ZNF329: variants seen among roughly 807,000 people sequenced by gnomAD.
The protein encoded by ZNF329 is zinc finger protein 329.
A neutral mutation model predicts 26.6 loss-of-function variants in ZNF329; 15 were observed. That is an observed-to-expected ratio of 0.56 (90% confidence interval 0.38 to 0.87). The LOEUF (loss-of-function observed/expected upper bound fraction) is 0.87, where lower values mean the gene tolerates loss of function less well. ZNF329 is among the 40% of genes least tolerant of loss of function. The pLI is 0.00. For missense variants in ZNF329, 651 were observed against 651.9 expected (o/e 1.00, Z 0.02); for synonymous variants, 239 against 233.5 (o/e 1.02, Z -0.21).
In ZNF329 at chr19:58,127,912, C is replaced by A; in HGVS notation, c.1592G>T (p.Arg531Ile). Reference protein sequence around the residue: ...QKSSSLVRHQRAHLGEQPMET With the variant: ...QKSSSLVRHQIAHLGEQPMET ...CATGGGTTGCTCTCCCAGGTGTGCT[C>A]TTTGATGTCGAACAAGGGATGAGCT... The change falls in exon 4 of 4, where the codon AGA (arginine) becomes ATA (isoleucine). Residue 531 changes from arginine (R) to isoleucine (I), a missense_variant. Coordinates refer to ENST00000598312, the MANE Select transcript of ZNF329 (RefSeq NM_024620.4). The A allele has an allele frequency of 6.2e-7, 1 of 1,607,810 alleles. No homozygotes were observed. The highest frequency in any genetic ancestry group is 1.7e-5 in the Admixed American group (1 of 59,272).
At chr19:58,130,391 C>T (rs754185007) in intron 3 of ZNF329, among the ~76,000 whole-genome samples, 10 of 151,726 alleles carry the variant, frequency 6.6e-5, no homozygotes, top group South Asian at 2.1e-4. Context: ...TGGATCATGT[C>T]GGCCAGGCGC....
intron 3 of ZNF329, among the ~76,000 whole-genome samples, chr19:58,139,497 C>T (rs1209864448): frequency 6.6e-6 from 1 of 152,158 alleles, no homozygotes; most frequent in Non-Finnish European, 1.5e-5. Flanking sequence ...TCCTGGTTTG[C>T]AGATGGCCAC....
chr19:58,149,108 G>C (rs1417411269), intron 1 of ZNF329, among the ~76,000 whole-genome samples: 1 of 152,154 alleles, frequency 6.6e-6, no homozygotes, highest in Non-Finnish European at 1.5e-5. Context: ...AACCAAGATG[G>C]CAACGAGAGT....
At chr19:58,144,770 T>C (rs2075269224) in intron 1 of ZNF329, among the ~76,000 whole-genome samples, 2 of 150,536 alleles carry the variant, frequency 1.3e-5, no homozygotes, top group South Asian at 4.2e-4. Flanking sequence ...AGTATGATCA[T>C]GGCTCACTGT....
At position 58,127,518 on chromosome 19, in the gene ZNF329, A is replaced by T. The variant is rs1470212588; in HGVS notation, c.*360T>A. The T allele has an allele frequency of 4.2e-5, 8 of 192,258 alleles. No homozygotes were observed. The highest frequency in any genetic ancestry group is 7.4e-5 in the Non-Finnish European group (7 of 94,918). The allele number at this position is 192,258 out of a possible 1,614,324, so 11.9% of individuals were successfully genotyped here. On this transcript the variant is annotated 3_prime_UTR_variant, in exon 4 of 4. Transcript: ENST00000598312. ...AAAAAAGTTGATTCAGTGTTTGCTTACGTACAAGGTGGAAACTCCCTACTA... is the reference window on the plus strand; with the variant it reads ...AAAAAAGTTGATTCAGTGTTTGCTTTCGTACAAGGTGGAAACTCCCTACTA...
rs373770324 is a variant in ZNF329 at position 58,140,694 on chromosome 19, C to T, written c.-9+1863G>A. 6.6e-5 allele frequency among the ~76,000 whole-genome samples: 10 copies of T among 151,624 alleles called. No individual in the cohort carries two copies. In the East Asian group the frequency reaches 9.8e-4, roughly 15 times the overall value. On this transcript the variant is annotated intron_variant, in intron 3 of 3. Coordinates refer to ENST00000598312, the MANE Select transcript of ZNF329 (RefSeq NM_024620.4). ...CCTCCCAAAGCGCTGGGATTACAGG[C>T]GTGACCACCGCGCCCAGCCCTTTTT...
upstream of ZNF329, among the ~76,000 whole-genome samples, chr19:58,153,213 G>C (rs937475722): frequency 6.6e-6 from 1 of 152,044 alleles, no homozygotes; most frequent in Non-Finnish European, 1.5e-5. Context: ...AGGTTCAAGT[G>C]AATCTCCTGC....
rs1489938907 is a variant in ZNF329 at position 58,147,534 on chromosome 19, C to T, written c.-208+3218G>A. On this transcript the variant is annotated intron_variant, in intron 1 of 3. Coordinates refer to ENST00000598312, the MANE Select transcript of ZNF329 (RefSeq NM_024620.4). ...CCTCTGCCCGGCCAGCCGCCCCGCC[C>T]GGGAGGGAGGTGGGGGGGTCAGCCC... Among the ~76,000 whole-genome samples the T allele has an allele frequency of 1.5e-4, 22 of 142,682 alleles. 2 individuals carry two copies. Among genetic ancestry groups the T allele is most frequent in the African/African-American group, 4.1e-4 (15 of 36,594 alleles). 93.6% of individuals were successfully genotyped at this position (142,682 alleles called of 152,430 possible).
chr19:58,153,389 C>A (rs1437335014), upstream of ZNF329, among the ~76,000 whole-genome samples: 1 of 152,124 alleles, frequency 6.6e-6, no homozygotes, highest in African/African-American at 2.4e-5. Context: ...GGATGACAGG[C>A]GTGAGCCACT....
Position 58,128,948 on chromosome 19 carries a change from G to A in ZNF329, c.556C>T (p.Leu186=). The A allele has an allele frequency of 6.2e-7, 1 of 1,613,784 alleles. No homozygotes were observed. Among genetic ancestry groups the A allele is most frequent in the African/African-American group, 1.3e-5 (1 of 74,974 alleles). The stretch of plus-strand genomic sequence containing the variant: ...TGGTTTTCATTAAGCGATGAGCTCA[G>A]AGTAAAGATGTTCTCAAAATTCTTA... ...EGKNFENIFT[L]SSSLNENQRN... Residue 186 remains leucine (L), a synonymous_variant, in exon 4 of 4, where the codon CTG becomes TTG. Coordinates refer to ENST00000598312, the MANE Select transcript of ZNF329 (RefSeq NM_024620.4).
chr19:58,129,335 G>A lies in ZNF329; in HGVS notation c.169C>T (p.Pro57Ser). The A allele has an allele frequency of 6.2e-7, 1 of 1,614,200 alleles. No individual in the cohort carries two copies. Among genetic ancestry groups the A allele is most frequent in the Non-Finnish European group, 8.5e-7 (1 of 1,180,040 alleles). The change falls in exon 4 of 4, where the codon CCA (proline) becomes TCA (serine). Residue 57 changes from proline (P) to serine (S), a missense_variant. By Grantham distance (74) the Pro-to-Ser change is moderately conservative. Coordinates refer to ENST00000598312, the MANE Select transcript of ZNF329 (RefSeq NM_024620.4). ...LRQSALTLEK[P>S]GTQEAICEYP... ...TCACAAATTGCTTCCTGAGTCCCTG[G>A]TTTCTCCAGAGTTAAAGCTGATTGC...
chr19:58,128,671 T>C lies in ZNF329; in HGVS notation c.833A>G (p.Gln278Arg), dbSNP rs199730056. Reference protein sequence around the residue: ...FSDGSALTQHQRIHTGEKPYE... With the variant: ...FSDGSALTQHRRIHTGEKPYE... ...AGGTTTCTCGCCTGTGTGAATTCTCTGGTGCTGTGTCAGAGCTGAGCCATC... is the reference window on the plus strand; with the variant it reads ...AGGTTTCTCGCCTGTGTGAATTCTCCGGTGCTGTGTCAGAGCTGAGCCATC... The change falls in exon 4 of 4, where the codon CAG (glutamine) becomes CGG (arginine). Residue 278 changes from glutamine (Q) to arginine (R), a missense_variant. Physicochemically the swap from Gln to Arg is conservative, Grantham distance 43. Coordinates refer to ENST00000598312, the MANE Select transcript of ZNF329 (RefSeq NM_024620.4). 10 of 1,604,296 alleles carry C rather than the reference T, an allele frequency of 6.2e-6. No individual in the cohort carries two copies. In the East Asian group the frequency reaches 2.2e-4, roughly 36 times the overall value.
chr19:58,147,976 T>C (rs1373577280), intron 1 of ZNF329, among the ~76,000 whole-genome samples: 1 of 152,086 alleles, frequency 6.6e-6, no homozygotes, highest in Non-Finnish European at 1.5e-5. Context: ...GGGAAAAGAT[T>C]GAGAAATCGG....
chr19:58,144,384 A>ATCTATCTATCTATC lies in ZNF329; in HGVS notation c.-207-1187_-207-1186insGATAGATAGATAGA, dbSNP rs1335729765. Among the ~76,000 whole-genome samples, 334 of 75,056 alleles carry ATCTATCTATCTATC rather than the reference A, an allele frequency of 4.5e-3. 1 individual carries two copies. Among genetic ancestry groups the ATCTATCTATCTATC allele is most frequent in the Non-Finnish European group, 5.4e-3 (191 of 35,254 alleles). The allele number at this position is 75,056 out of a possible 152,430, so 49.2% of individuals were successfully genotyped here. ...TCTATCTATCTATCTATCTATCTAT[A>ATCTATCTATCTATC]TATATATATATATTTTTTTTTTGAG... On this transcript the variant is annotated intron_variant, in intron 1 of 3. Transcript: ENST00000598312.
At chr19:58,133,656 C>CA (rs2075000018) in intron 3 of ZNF329, among the ~76,000 whole-genome samples, 1 of 151,236 alleles carries the variant, frequency 6.6e-6, no homozygotes, top group African/African-American at 2.4e-5. Flanking sequence ...TGTTGTTCTT[C>CA]AAAAAAACCC....
At chr19:58,154,095 G>GC (rs1195136732), upstream of ZNF329, among the ~76,000 whole-genome samples, 3 of 151,412 alleles carry the variant, frequency 2.0e-5, no homozygotes, top group Admixed American at 1.3e-4. Flanking sequence ...TCCAAACTCT[G>GC]CATCCCCGGT....
intron 3 of ZNF329, among the ~76,000 whole-genome samples, chr19:58,133,404 G>A (rs1208660170): frequency 2.6e-5 from 4 of 151,842 alleles, no homozygotes; most frequent in South Asian, 2.1e-4. Context: ...TGGGCAACAT[G>A]GTGAAACCCC....
chr19:58,149,686 C>G (rs1183731757), intron 1 of ZNF329, among the ~76,000 whole-genome samples: 2 of 152,138 alleles, frequency 1.3e-5, no homozygotes, highest in Non-Finnish European at 1.5e-5. Context: ...AAACGTACTT[C>G]AACAAGCCCA....
At chr19:58,153,463 C>G (rs1424007379), upstream of ZNF329, among the ~76,000 whole-genome samples, 1 of 152,070 alleles carries the variant, frequency 6.6e-6, no homozygotes, top group Non-Finnish European at 1.5e-5. Context: ...TGTGAAAAGC[C>G]CAATAATAAA....
Sources: allele counts gnomAD v4.1 joint callset (sites outside exome capture counted in the v4.1 genomes callset), GRCh38; gene constraint gnomAD v4.1.1; transcripts MANE v1.5; gene names NCBI Gene and HGNC (gene_info 2026-07-23, HGNC 2026-07-21).